The following SH3RF1 variants were observed in gnomAD, a reference collection of about 807,000 sequenced individuals.
SH3RF1 encodes E3 ubiquitin-protein ligase SH3RF1.
A neutral mutation model predicts 74.0 loss-of-function variants in SH3RF1; 32 were observed. The ratio of observed to expected loss-of-function variants is 0.43; its 90% confidence interval spans 0.33 to 0.58. SH3RF1 has a LOEUF of 0.58. Ranked by LOEUF, SH3RF1 falls within the 20% of genes least tolerant of loss-of-function variation. The probability of loss-of-function intolerance (pLI) is 0.05; values close to 1 mark genes in which losing one functional copy is unlikely to be tolerated. For missense variants in SH3RF1, 954 were observed against 1,130.9 expected, an observed-to-expected ratio of 0.84 and a Z score of 2.24; for synonymous variants, 396 against 439.6, an observed-to-expected ratio of 0.90 and a Z score of 1.24.
At chr4:169,233,365 T>C (rs528555729) in intron 2 of SH3RF1, among the ~76,000 whole-genome samples, 1 of 151,840 alleles carries the variant, frequency 6.6e-6, no homozygotes, top group South Asian at 2.1e-4. Flanking sequence ...GTAGCATATA[T>C]ATCATAAAAT....
chr4:169,192,707 C>T (rs371396089), intron 2 of SH3RF1, among the ~76,000 whole-genome samples: 2 of 151,560 alleles, frequency 1.3e-5, no homozygotes, highest in South Asian at 2.1e-4. Flanking sequence ...CAGCACAATT[C>T]GCAATTGCAA....
intron 2 of SH3RF1, among the ~76,000 whole-genome samples, chr4:169,217,621 TA>T (rs1472914730): frequency 6.6e-6 from 1 of 152,032 alleles, no homozygotes; most frequent in Non-Finnish European, 1.5e-5. Context: ...GACAAAGGAA[TA>T]AGGCAAAGGA....
At chr4:169,221,977 TC>T in intron 2 of SH3RF1, among the ~76,000 whole-genome samples, 1 of 152,004 alleles carries the variant, frequency 6.6e-6, no homozygotes, top group Non-Finnish European at 1.5e-5. Flanking sequence ...CCCTCATCCA[TC>T]CCAAAAAAAC....
chr4:169,196,995 A>G (rs1177677775), intron 2 of SH3RF1, among the ~76,000 whole-genome samples: 1 of 152,110 alleles, frequency 6.6e-6, no homozygotes, highest in Non-Finnish European at 1.5e-5. Flanking sequence ...CCTTAATTCT[A>G]TTACTTTAAT....
At chr4:169,255,164 T>C (rs1731165548) in intron 2 of SH3RF1, among the ~76,000 whole-genome samples, 1 of 152,122 alleles carries the variant, frequency 6.6e-6, no homozygotes, top group Non-Finnish European at 1.5e-5. Context: ...AGATGACCAT[T>C]TTCAAAAAAT....
chr4:169,210,618 C>G (rs1730341591), intron 2 of SH3RF1, among the ~76,000 whole-genome samples: 1 of 152,212 alleles, frequency 6.6e-6, no homozygotes, highest in East Asian at 1.9e-4. Flanking sequence ...AAGTGGCCTC[C>G]TTACATATTT....
intron 11 of SH3RF1, among the ~76,000 whole-genome samples, chr4:169,101,488 C>T (rs1029955958): frequency 6.6e-6 from 1 of 151,872 alleles, no homozygotes; most frequent in Non-Finnish European, 1.5e-5. Context: ...TTAATGAGTA[C>T]AGATTCAGTT....
intron 2 of SH3RF1, among the ~76,000 whole-genome samples, chr4:169,242,890 A>G (rs1730935961): frequency 6.6e-6 from 1 of 152,338 alleles, no homozygotes; most frequent in Non-Finnish European, 1.5e-5. Flanking sequence ...ATACATTTCT[A>G]TCATTATAAA....
At chr4:169,213,597 C>T (rs533369036) in intron 2 of SH3RF1, among the ~76,000 whole-genome samples, 2 of 152,300 alleles carry the variant, frequency 1.3e-5, no homozygotes, top group South Asian at 4.1e-4. Context: ...AATGTCACCA[C>T]CAAATCTAAG....
At chr4:169,267,150 A>G (rs1731367543) in intron 2 of SH3RF1, among the ~76,000 whole-genome samples, 1 of 152,248 alleles carries the variant, frequency 6.6e-6, no homozygotes, top group African/African-American at 2.4e-5. Flanking sequence ...GTCAATTTCC[A>G]TGTTAGCAAG....
chr4:169,157,823 C>A (rs1024660430), intron 2 of SH3RF1, among the ~76,000 whole-genome samples: 5 of 151,904 alleles, frequency 3.3e-5, no homozygotes, highest in Non-Finnish European at 7.4e-5. Flanking sequence ...CTCACTGCAA[C>A]CTCTGCCTCC....
intron 5 of SH3RF1, among the ~76,000 whole-genome samples, chr4:169,135,659 T>C (rs1733687897): frequency 6.6e-6 from 1 of 152,134 alleles, no homozygotes; most frequent in South Asian, 2.1e-4. Flanking sequence ...GGTCTAATAG[T>C]AAAGTGCTCA....
At chr4:169,236,929 A>G (rs1288105732) in intron 2 of SH3RF1, among the ~76,000 whole-genome samples, 2 of 152,222 alleles carry the variant, frequency 1.3e-5, no homozygotes, top group African/African-American at 4.8e-5. Flanking sequence ...TCCAAAAACT[A>G]CAAAGTAGAA....
chr4:169,188,218 G>A (rs557046513), intron 2 of SH3RF1, among the ~76,000 whole-genome samples: 2 of 152,106 alleles, frequency 1.3e-5, no homozygotes, highest in Middle Eastern at 6.3e-3. Context: ...AGCACCCCTA[G>A]GAAACTCATA....
At chr4:169,164,956 A>G (rs1579114936) in intron 2 of SH3RF1, among the ~76,000 whole-genome samples, 1 of 152,352 alleles carries the variant, frequency 6.6e-6, no homozygotes, top group South Asian at 2.1e-4. Context: ...TTGAGAATGC[A>G]GTCACTCAAG....
Position 169,269,207 on chromosome 4 carries a change from A to T in SH3RF1, c.6T>A (p.Asp2Glu), listed in dbSNP as rs1293078777. The change falls in exon 2 of 12, where the codon GAT (aspartate) becomes GAA (glutamate). Residue 2 changes from aspartate (D) to glutamate (E), a missense_variant. This residue lies in a region of SH3RF1 where 64 missense variants were observed against 101.9 expected (regional missense o/e 0.63). Transcript: ENST00000284637. ...CCAAAAGATCCAACAAGGCTGATTC[A>T]TCCATCTTTATCTACTTTACTGAGA... M[D>E]ESALLDLLEC... 2 of 1,571,500 alleles carry T rather than the reference A, an allele frequency of 1.3e-6. No homozygotes were observed. Among genetic ancestry groups the T allele is most frequent in the Admixed American group, 1.8e-5 (1 of 55,190 alleles).
At chr4:169,224,693 G>A in intron 2 of SH3RF1, among the ~76,000 whole-genome samples, 1 of 152,198 alleles carries the variant, frequency 6.6e-6, no homozygotes, top group Non-Finnish European at 1.5e-5. Flanking sequence ...GTAGCTGCAG[G>A]GGTAACCAGG....
At chr4:169,114,916 G>A (rs1222415077) in intron 10 of SH3RF1, among the ~76,000 whole-genome samples, 4 of 151,996 alleles carry the variant, frequency 2.6e-5, no homozygotes, top group African/African-American at 9.7e-5. Flanking sequence ...GTCTATGATC[G>A]CCCTCAAACT....
intron 4 of SH3RF1, among the ~76,000 whole-genome samples, chr4:169,137,575 A>G (rs1159747619): frequency 6.6e-6 from 1 of 152,236 alleles, no homozygotes; most frequent in African/African-American, 2.4e-5. Context: ...ATATTAAGGA[A>G]AACAGTGATT....
Sources: allele counts gnomAD v4.1 joint callset (sites outside exome capture counted in the v4.1 genomes callset), GRCh38; gene constraint gnomAD v4.1.1; regional missense constraint gnomAD v4.1.1; transcripts MANE v1.5; gene names NCBI Gene and HGNC (gene_info 2026-07-23, HGNC 2026-07-21).